RIPOR3: variants seen among roughly 807,000 people sequenced by gnomAD.
RIPOR3 encodes the protein RIPOR family member 3.
RIPOR3 carries 95 observed loss-of-function variants against 114.3 expected under a neutral mutation model. The observed-to-expected ratio is 0.83, with a 90% CI of 0.70 to 0.99. The LOEUF is 0.99. RIPOR3 is among the 50% of genes least tolerant of loss of function. The pLI is 0.00. For synonymous variants in RIPOR3, 575 were observed against 543.8 expected, an observed-to-expected ratio of 1.06 and a Z score of -0.80; for missense variants, 1,252 against 1,266.9, an observed-to-expected ratio of 0.99 and a Z score of 0.18.
At chr20:50,590,032 G>A (rs552125977) in intron 19 of RIPOR3, 19 of 361,652 alleles carry the variant, frequency 5.3e-5, no homozygotes, top group Non-Finnish European at 7.4e-5. Flanking sequence ...TATTCCGGAA[G>A]TGCATTCTGA....
rs567465408 is a variant in RIPOR3, at chr20:50,636,534, G to A, written c.4-5678C>T. The A allele has an allele frequency of 1.8e-4, 180 of 982,726 alleles. No homozygotes were observed. The South Asian group carries it at 7.3e-3, about 40-fold the overall frequency. 60.9% of individuals were successfully genotyped at this position (982,726 alleles called of 1,614,324 possible). A position where few individuals can be genotyped will look rare whatever the true frequency, so the allele number is the denominator to read the frequency against. On this transcript the variant is annotated intron_variant, in intron 1 of 21. Coordinates refer to ENST00000327979, the MANE Select transcript of RIPOR3 (RefSeq NM_001290268.2). ...GAGAGACAGTGCAGAGACCCTGCTGGGCCCCAGGGCAGAGAAGGGAGGCAC... is the reference window on the plus strand; with the variant it reads ...GAGAGACAGTGCAGAGACCCTGCTGAGCCCCAGGGCAGAGAAGGGAGGCAC...
intron 12 of RIPOR3, 142 bp downstream of exon 12, chr20:50,604,502 GA>G: frequency 7.9e-7 from 1 of 1,272,052 alleles, no homozygotes; most frequent in Non-Finnish European, 1.1e-6. Context: ...AAGTGCACAG[GA>G]AAACACCCAG....
intron 14 of RIPOR3, 92 bp from the exon 15 acceptor site, chr20:50,596,355 G>C: frequency 6.4e-6 from 10 of 1,561,358 alleles, no homozygotes; most frequent in Non-Finnish European, 8.7e-6. Flanking sequence ...CGAGCCCCAG[G>C]TCAGGAGGCC....
chr20:50,669,856 G>T (rs1010884460), intron 1 of RIPOR3, among the ~76,000 whole-genome samples: 4 of 150,732 alleles, frequency 2.7e-5, no homozygotes, highest in African/African-American at 7.3e-5. Flanking sequence ...AGAAGAGGGG[G>T]CTCTGAAAAA....
chr20:50,686,278 G>A (rs1425408821), intron 1 of RIPOR3, among the ~76,000 whole-genome samples: 3 of 151,778 alleles, frequency 2.0e-5, no homozygotes, highest in African/African-American at 4.8e-5. Flanking sequence ...GGATGGTCTC[G>A]ATCTCCTGAC....
intron 3 of RIPOR3, among the ~76,000 whole-genome samples, chr20:50,618,550 C>G (rs1037095133): frequency 2.0e-5 from 3 of 152,114 alleles, no homozygotes; most frequent in African/African-American, 7.2e-5. Context: ...ACCTTCTTAG[C>G]AAGGCCTTCC....
Position 50,595,101 on chromosome 20 carries a change from C to T in RIPOR3, c.2050+268G>A, listed in dbSNP as rs1311613299. The T allele has an allele frequency of 7.4e-6, 4 of 539,692 alleles. No homozygotes were observed. The Admixed American group carries it at 1.2e-4, about 17-fold the overall frequency. 33.4% of individuals were successfully genotyped at this position (539,692 alleles called of 1,614,324 possible). The stretch of plus-strand genomic sequence containing the variant: ...ACTGAACCCCGTGCAGTGCCCTCCT[C>T]CTATGCAGATAGGGAAGCAGAGGCT... On this transcript the variant is annotated intron_variant, in intron 16 of 21. Coordinates refer to ENST00000327979, the MANE Select transcript of RIPOR3 (RefSeq NM_001290268.2).
intron 1 of RIPOR3, among the ~76,000 whole-genome samples, chr20:50,679,822 C>T (rs561014442): frequency 4.0e-5 from 6 of 150,744 alleles, no homozygotes; most frequent in Admixed American, 1.3e-4. Flanking sequence ...CCAGGCATGG[C>T]GGCATACACC....
At chr20:50,660,598 A>G (rs1223321833) in intron 1 of RIPOR3, among the ~76,000 whole-genome samples, 1 of 152,076 alleles carries the variant, frequency 6.6e-6, no homozygotes, top group Admixed American at 6.6e-5. Flanking sequence ...CCCGCCTCCC[A>G]ACACTGCCAC....
chr20:50,587,614 A>G (rs913536499), intron 21 of RIPOR3, among the ~76,000 whole-genome samples, 188 bp downstream of exon 21: 2 of 152,176 alleles, frequency 1.3e-5, no homozygotes, highest in Non-Finnish European at 2.9e-5. Context: ...CACCCCAGCC[A>G]TGGAGGAGGC....
rs770347051 is a variant in RIPOR3, at chr20:50,587,244, G to C, written c.2841C>G (p.Ile947Met). ...CAGCCAGGATTTTTTAAAATATTGT[G>C]ATTTCAACATCTGCCTCCTGGCAAA... Reference protein sequence around the residue: ...EVFCQEADVEITIF With the variant: ...EVFCQEADVEMTIF Residue 947 changes from isoleucine (I) to methionine (M), a missense_variant, in exon 22 of 22, where the codon ATC becomes ATG. Transcript: ENST00000327979. 2.5e-5 allele frequency: 41 copies of C among 1,613,796 alleles called. No homozygotes were observed. The highest frequency in any genetic ancestry group is 3.4e-5 in the Non-Finnish European group (40 of 1,179,650).
intron 1 of RIPOR3, among the ~76,000 whole-genome samples, chr20:50,636,429 C>A (rs1472663570): frequency 6.6e-6 from 1 of 152,154 alleles, no homozygotes; most frequent in African/African-American, 2.4e-5. Context: ...TCTAGGAGGT[C>A]CCTGGGGAGG....
intron 3 of RIPOR3, 78 bp downstream of exon 3, chr20:50,619,908 C>T (rs957477741): frequency 1.2e-5 from 19 of 1,534,254 alleles, no homozygotes; most frequent in East Asian, 1.1e-4. Context: ...GACCCATCCA[C>T]GCTTCCCCAG....
chr20:50,619,026 C>T (rs566917155), intron 3 of RIPOR3, among the ~76,000 whole-genome samples: 101 of 152,282 alleles, frequency 6.6e-4, no homozygotes, highest in Non-Finnish European at 9.1e-4. Context: ...GCCTGGCCAA[C>T]GTGGTGAAAC....
At chr20:50,666,181 C>CCTTTTCTTTTCTTTTCTTCTGTT (rs1600720832) in intron 1 of RIPOR3, among the ~76,000 whole-genome samples, 1 of 14,926 alleles carries the variant, frequency 6.7e-5, no homozygotes, top group African/African-American at 9.2e-5. Context: ...GAAAGGACAC[C>CCTTTTCTTTTCTTTTCTTCTGTT]CATTTCTTTT....
intron 3 of RIPOR3, among the ~76,000 whole-genome samples, chr20:50,618,976 C>G (rs995494783): frequency 6.6e-6 from 1 of 152,120 alleles, no homozygotes; most frequent in Non-Finnish European, 1.5e-5. Flanking sequence ...TCTGGGAGGC[C>G]GAGATGGACA....
At chr20:50,686,737 C>T (rs6067510) in intron 1 of RIPOR3, among the ~76,000 whole-genome samples, 74,951 of 147,962 alleles carry the variant, frequency 0.51, 21,478 homozygotes, top group East Asian at 0.63. Flanking sequence ...GGCGACAGAG[C>T]GAGACTCTGT....
chr20:50,596,261 T>C lies in RIPOR3; in HGVS notation c.1793A>G (p.Lys598Arg). 6.2e-7 allele frequency: 1 copy of C among 1,614,004 alleles called. No individual in the cohort carries two copies. Among genetic ancestry groups the C allele is most frequent in the Non-Finnish European group, 8.5e-7 (1 of 1,179,996 alleles). Residue 598 changes from lysine (K) to arginine (R), a missense_variant and splice_region_variant, in exon 15 of 22, where the codon AAG (lysine) becomes AGG (arginine). Transcript: ENST00000327979. ...TGACGGTGGGGGCAGGGGCCGGTCC[T>C]TTCTGAGTTGAATTGAGAACTGGGT... ...SLFGGSQGLR[K>R]DRPLPPPSSL...
chr20:50,597,121 A>G (rs1051684116), intron 14 of RIPOR3: 10 of 156,028 alleles, frequency 6.4e-5, no homozygotes, highest in African/African-American at 2.4e-4. Flanking sequence ...TCTTGCCACC[A>G]TGCCCAGCTA....
Sources: gnomAD v4.1 joint callset for allele counts (sites outside exome capture counted in the v4.1 genomes callset) on GRCh38, gnomAD v4.1.1 for gene constraint, MANE v1.5 for transcripts, NCBI Gene and HGNC (gene_info 2026-07-23, HGNC 2026-07-21) for gene names.